Variants in TRDN observed in about 807,000 individuals in gnomAD.
TRDN encodes the protein triadin in skeletal muscle.
In TRDN, 161 loss-of-function variants were observed where a neutral mutation model predicts 149.7. That is an observed-to-expected ratio of 1.08 (90% CI 0.95 to 1.23). TRDN has a LOEUF of 1.23. Among genes scored for constraint, TRDN ranks in the 50% most tolerant of loss-of-function variants. The pLI, the probability that TRDN is intolerant of heterozygous loss-of-function variation, is 0.00. For missense variants in TRDN, 896 were observed against 823.5 expected, an observed-to-expected ratio of 1.09 and a Z score of -1.08; for synonymous variants, 294 against 250.5, an observed-to-expected ratio of 1.17 and a Z score of -1.64.
At chr6:123,476,940 C>A (rs1416550787) in intron 9 of TRDN, among the ~76,000 whole-genome samples, 1 of 146,530 alleles carries the variant, frequency 6.8e-6, no homozygotes, top group Non-Finnish European at 1.5e-5. Flanking sequence ...AACGTTAGAC[C>A]TAAAACCATA....
At position 123,586,968 on chromosome 6, in the gene TRDN, A is replaced by G. The variant is rs558142225; in HGVS notation, c.23-15836T>C. Among the ~76,000 whole-genome samples, 5 of 152,154 alleles carry G rather than the reference A, an allele frequency of 3.3e-5. No individual in the cohort carries two copies. In the South Asian group the frequency reaches 1.0e-3, roughly 32 times the overall value. Reference sequence around the variant, plus strand: ...GTACAGCGATATAAGAGGTTGGGGCACGGAAATAAGGGATGGGGGCACAGA... The same window carrying G: ...GTACAGCGATATAAGAGGTTGGGGCGCGGAAATAAGGGATGGGGGCACAGA... On this transcript the variant is annotated intron_variant, in intron 1 of 40. Transcript: ENST00000334268.
intron 1 of TRDN, among the ~76,000 whole-genome samples, chr6:123,598,228 G>A (rs570218443): frequency 1.1e-4 from 17 of 152,158 alleles, no homozygotes; most frequent in African/African-American, 3.9e-4. Flanking sequence ...GTGAAAGCAT[G>A]TAATATTCAA....
At position 123,476,451 on chromosome 6, in the gene TRDN, G is replaced by A. The variant is rs1321974623; in HGVS notation, c.854-11468C>T. Among the ~76,000 whole-genome samples the A allele has an allele frequency of 3.6e-5, 4 of 110,452 alleles. No homozygotes were observed. The South Asian group carries it at 1.3e-3, about 35-fold the overall frequency. The allele number at this position is 110,452 out of a possible 152,430, so 72.5% of individuals were successfully genotyped here. A position where few individuals can be genotyped will look rare whatever the true frequency, so the allele number is the denominator to read the frequency against. Reference sequence around the variant, plus strand: ...AAGAACATTCCATGCTCATGGGTAGGAAGAATCAATATCCTGAAAATGGCC... The same window carrying A: ...AAGAACATTCCATGCTCATGGGTAGAAAGAATCAATATCCTGAAAATGGCC... On this transcript the variant is annotated intron_variant, in intron 9 of 40. Coordinates refer to ENST00000334268, the MANE Select transcript of TRDN (RefSeq NM_006073.4).
chr6:123,418,654 A>G (rs535711132), intron 12 of TRDN: 2 of 152,112 alleles, frequency 1.3e-5, no homozygotes, highest in South Asian at 4.2e-4. Flanking sequence ...AGACTTTGCA[A>G]GGTACTCTTT....
chr6:123,364,377 G>A (rs1234905599), intron 20 of TRDN, among the ~76,000 whole-genome samples: 2 of 152,124 alleles, frequency 1.3e-5, no homozygotes, highest in African/African-American at 2.4e-5. Flanking sequence ...GGTGGCTCAC[G>A]CCTGTAATTC....
chr6:123,470,641 G>A (rs1402177660), intron 9 of TRDN: 3 of 152,180 alleles, frequency 2.0e-5, no homozygotes, highest in Admixed American at 6.5e-5. Flanking sequence ...CAAATCACAT[G>A]AACACACGTA....
Position 123,378,958 on chromosome 6 carries a change from C to A in TRDN, c.1187-1060G>T, listed in dbSNP as rs76074321. ...GTACTAATTTTATAAGAATTGCAAGCACTAATTTTACATGAAGTGCTATCA... is the reference window on the plus strand; with the variant it reads ...GTACTAATTTTATAAGAATTGCAAGAACTAATTTTACATGAAGTGCTATCA... On this transcript the variant is annotated intron_variant, in intron 16 of 40. Transcript: ENST00000334268. Among the ~76,000 whole-genome samples, 349 of 152,218 alleles carry A rather than the reference C, an allele frequency of 2.3e-3. 1 individual carries two copies. The highest frequency in any genetic ancestry group is 4.1e-3 in the Non-Finnish European group (281 of 68,002).
At chr6:123,597,951 T>A (rs1003443954) in intron 1 of TRDN, among the ~76,000 whole-genome samples, 1 of 152,120 alleles carries the variant, frequency 6.6e-6, no homozygotes, top group Non-Finnish European at 1.5e-5. Context: ...TATTCCTGTA[T>A]TATTTTTTCC....
At chr6:123,262,929 C>G (rs751724031) in intron 33 of TRDN, among the ~76,000 whole-genome samples, 35 of 145,882 alleles carry the variant, frequency 2.4e-4, no homozygotes, top group Non-Finnish European at 3.5e-4. Flanking sequence ...TCCTGAGACT[C>G]GATGGTTTTG....
chr6:123,396,928 A>G (rs756864961), intron 12 of TRDN, among the ~76,000 whole-genome samples: 1 of 152,174 alleles, frequency 6.6e-6, no homozygotes, highest in Non-Finnish European at 1.5e-5. Context: ...TGGCAAATGG[A>G]CTGCTACACT....
chr6:123,426,694 T>G (rs1053392799), intron 12 of TRDN, among the ~76,000 whole-genome samples: 3 of 152,160 alleles, frequency 2.0e-5, no homozygotes, highest in African/African-American at 7.2e-5. Context: ...TATTTTAGCA[T>G]TAACTACTTC....
chr6:123,424,183 A>G (rs571082754), intron 12 of TRDN, among the ~76,000 whole-genome samples: 9 of 152,264 alleles, frequency 5.9e-5, no homozygotes, highest in African/African-American at 2.2e-4. Context: ...GAAGGCACAT[A>G]TGGAAACTTT....
At chr6:123,357,621 T>C (rs1335049871) in intron 20 of TRDN, among the ~76,000 whole-genome samples, 1 of 152,168 alleles carries the variant, frequency 6.6e-6, no homozygotes, top group Non-Finnish European at 1.5e-5. Context: ...AACATGGAAA[T>C]GAAACACTGA....
chr6:123,530,196 GA>G (rs909102457), intron 5 of TRDN, among the ~76,000 whole-genome samples: 6 of 151,326 alleles, frequency 4.0e-5, no homozygotes, highest in East Asian at 1.9e-4. Flanking sequence ...CTTCTTAAAA[GA>G]AAAAAAATTA....
At chr6:123,349,890 G>T (rs186315722) in intron 21 of TRDN, 1 of 985,344 alleles carries the variant, frequency 1.0e-6, no homozygotes, top group African/African-American at 1.7e-5. Flanking sequence ...CTTGGGTTTT[G>T]CCTGGTGTTG....
chr6:123,286,321 G>A (rs1395881432), intron 24 of TRDN, among the ~76,000 whole-genome samples: 1 of 151,764 alleles, frequency 6.6e-6, no homozygotes, highest in African/African-American at 2.4e-5. Context: ...AGTATAGGTC[G>A]GGCATGGTGG....
intron 23 of TRDN, among the ~76,000 whole-genome samples, chr6:123,327,408 TA>T (rs1377529974): frequency 5.3e-5 from 8 of 152,274 alleles, no homozygotes; most frequent in South Asian, 4.1e-4. Context: ...ATACCGTTGA[TA>T]TTTTTTATAT....
At chr6:123,499,719 A>AAAAAAAAAAAAAAAAAATATATATATAT in intron 8 of TRDN, among the ~76,000 whole-genome samples, 3 of 47,680 alleles carry the variant, frequency 6.3e-5, no homozygotes, top group Admixed American at 3.0e-4. Context: ...AAAAAAAAAA[A>AAAAAAAAAAAAAAAAAATATATATATAT]ATATATATAT....
chr6:123,486,279 A>T (rs891750799), intron 9 of TRDN, among the ~76,000 whole-genome samples: 3 of 151,254 alleles, frequency 2.0e-5, no homozygotes, highest in Non-Finnish European at 3.0e-5. Flanking sequence ...CCACTGTTGA[A>T]TAGTAAGATT....
Sources: gnomAD v4.1 joint callset for allele counts (sites outside exome capture counted in the v4.1 genomes callset) on GRCh38, gnomAD v4.1.1 for gene constraint, MANE v1.5 for transcripts, NCBI Gene and HGNC (gene_info 2026-07-23, HGNC 2026-07-21) for gene names.